Variants in DNAJC3 observed in about 807,000 individuals in gnomAD.
DNAJC3 encodes the protein DnaJ heat shock protein family (Hsp40) member C3, also known as dnaJ homolog subfamily C member 3.
In DNAJC3, 38 loss-of-function variants were observed where a neutral mutation model predicts 68.6. That is an observed-to-expected ratio of 0.55 (90% CI 0.43 to 0.73). DNAJC3 has a LOEUF of 0.73. DNAJC3 is among the 30% of genes least tolerant of loss of function. The pLI is 0.00. For missense variants in DNAJC3, 526 were observed against 591.9 expected, an observed-to-expected ratio of 0.89 and a Z score of 1.16; for synonymous variants, 203 against 204.0, an observed-to-expected ratio of 1.00 and a Z score of 0.04.
At chr13:95,746,462 T>C (rs1194183521) in intron 4 of DNAJC3, among the ~76,000 whole-genome samples, 1 of 152,206 alleles carries the variant, frequency 6.6e-6, no homozygotes, top group Non-Finnish European at 1.5e-5. Flanking sequence ...TTCCTCATTG[T>C]GAAGTGTAGA....
chr13:95,686,348 G>A lies in DNAJC3; in HGVS notation c.82+9011G>A, dbSNP rs143163616. Among the ~76,000 whole-genome samples the A allele has an allele frequency of 6.8e-4, 104 of 152,242 alleles. 2 individuals are homozygous for A. The East Asian group carries it at 0.013, about 19-fold the overall frequency. Reference sequence around the variant, plus strand: ...AGATTCTGGATATTAGTCCTTTGTCGGAGGCATAATTTGCAAATGTTTTCT... The same window carrying A: ...AGATTCTGGATATTAGTCCTTTGTCAGAGGCATAATTTGCAAATGTTTTCT... On this transcript the variant is annotated intron_variant, in intron 1 of 11. Transcript: ENST00000602402.
chr13:95,734,977 C>A (rs1163924245), intron 4 of DNAJC3, among the ~76,000 whole-genome samples: 2 of 133,012 alleles, frequency 1.5e-5, no homozygotes, highest in African/African-American at 2.8e-5. Context: ...CCCTCCCCCC[C>A]ACCCCACAAC....
At chr13:95,779,280 T>G (rs552203985) in intron 9 of DNAJC3, among the ~76,000 whole-genome samples, 2 of 151,860 alleles carry the variant, frequency 1.3e-5, no homozygotes, top group Non-Finnish European at 2.9e-5. Flanking sequence ...CCCGCCACCA[T>G]ACCCGGCTAA....
chr13:95,694,621 T>A (rs546047353), intron 1 of DNAJC3: 4 of 152,638 alleles, frequency 2.6e-5, no homozygotes, highest in Non-Finnish European at 5.9e-5. Flanking sequence ...AATTATTCAT[T>A]TATTGATCTC....
At chr13:95,775,549 C>T (rs1361829871) in intron 9 of DNAJC3, among the ~76,000 whole-genome samples, 1 of 152,174 alleles carries the variant, frequency 6.6e-6, no homozygotes, top group Admixed American at 6.5e-5. Flanking sequence ...TTGTATACTA[C>T]TGATAATAAG....
chr13:95,749,178 C>A (rs1323139511), intron 4 of DNAJC3, among the ~76,000 whole-genome samples: 2 of 152,200 alleles, frequency 1.3e-5, no homozygotes, highest in Admixed American at 6.5e-5. Flanking sequence ...TTATATCATA[C>A]TGCTGTATTC....
chr13:95,697,483 A>G (rs928586739), intron 1 of DNAJC3, among the ~76,000 whole-genome samples: 1 of 152,162 alleles, frequency 6.6e-6, no homozygotes, highest in Non-Finnish European at 1.5e-5. Context: ...TGATGACTAC[A>G]TTCCTTGGTT....
At chr13:95,772,638 G>A (rs1289279710) in intron 9 of DNAJC3, among the ~76,000 whole-genome samples, 1 of 152,146 alleles carries the variant, frequency 6.6e-6, no homozygotes, top group African/African-American at 2.4e-5. Context: ...TACTTTTCAT[G>A]TGTTGTTTCT....
At chr13:95,726,093 G>T (rs1050604620) in intron 4 of DNAJC3, among the ~76,000 whole-genome samples, 9 of 151,814 alleles carry the variant, frequency 5.9e-5, no homozygotes, top group African/African-American at 2.2e-4. Context: ...ATTTGGGTTG[G>T]TTCCAAGTCT....
rs551286955 is a variant in DNAJC3, at chr13:95,710,659, GTGTTT to G, written c.193+1344_193+1348del. ...AGTGTGTAGTTAACAACCGAGGGTG[GTGTTT>G]TGTTTTGTTTTGTTTTGTTTTTGTT... On this transcript the variant is annotated intron_variant, in intron 2 of 11. Coordinates refer to ENST00000602402, the MANE Select transcript of DNAJC3 (RefSeq NM_006260.5). 4.8e-3 allele frequency among the ~76,000 whole-genome samples: 730 copies of G among 151,738 alleles called. 5 individuals carry two copies. The highest frequency in any genetic ancestry group is 0.015 in the African/African-American group (627 of 41,248).
intron 1 of DNAJC3, among the ~76,000 whole-genome samples, chr13:95,706,075 G>A (rs1279683788): frequency 6.6e-6 from 1 of 152,184 alleles, no homozygotes; most frequent in Admixed American, 6.5e-5. Flanking sequence ...GTTTCAGTCA[G>A]CCAATCAAGT....
chr13:95,710,137 G>A (rs17885366), intron 2 of DNAJC3, among the ~76,000 whole-genome samples: 5 of 152,076 alleles, frequency 3.3e-5, no homozygotes, highest in Admixed American at 1.3e-4. Context: ...ATCAACTGTC[G>A]TGCAGCTGCT....
chr13:95,782,680 G>T (rs1157368617), intron 9 of DNAJC3, among the ~76,000 whole-genome samples: 2 of 152,160 alleles, frequency 1.3e-5, no homozygotes, highest in Admixed American at 1.3e-4. Flanking sequence ...TAAGTTCCCT[G>T]TGGATTCTGG....
At chr13:95,766,480 G>T (rs901285797) in intron 9 of DNAJC3, among the ~76,000 whole-genome samples, 6 of 152,202 alleles carry the variant, frequency 3.9e-5, no homozygotes, top group Non-Finnish European at 7.3e-5. Flanking sequence ...TAACTCAGGT[G>T]TCCTTATGAA....
chr13:95,779,272 C>T (rs7323703), intron 9 of DNAJC3, among the ~76,000 whole-genome samples: 24,908 of 151,372 alleles, frequency 0.16, 2,992 homozygotes, highest in African/African-American at 0.34. Context: ...TACAGGCGCC[C>T]GCCACCATAC....
Position 95,723,320 on chromosome 13 carries a change from T to G in DNAJC3, c.272T>G (p.Leu91Arg), listed in dbSNP as rs1420538964. 1.9e-6 allele frequency: 3 copies of G among 1,611,732 alleles called. No homozygotes were observed. The highest frequency in any genetic ancestry group is 2.5e-6 in the Non-Finnish European group (3 of 1,178,276). Reference sequence around the variant, plus strand: ...GCTATGGGCAAATCAAAAGCTGCACTTCCTGATTTAACTAAAGTGATTCAA... The same window carrying G: ...GCTATGGGCAAATCAAAAGCTGCACGTCCTGATTTAACTAAAGTGATTCAA... ...FLAMGKSKAALPDLTKVIQLK... is the reference protein window; with the variant it reads ...FLAMGKSKAARPDLTKVIQLK... Residue 91 changes from leucine (L) to arginine (R), a missense_variant, in exon 3 of 12, where the codon CTT becomes CGT. Transcript: ENST00000602402.
rs139167981 is a variant in DNAJC3, at chr13:95,708,502, C to T, written c.83-725C>T. Among the ~76,000 whole-genome samples the T allele has an allele frequency of 2.2e-4, 34 of 152,308 alleles. 1 individual carries two copies. The highest frequency in any genetic ancestry group is 3.8e-4 in the Non-Finnish European group (26 of 68,028). ...CCTGTTTCTGGAACATATCTGCATG[C>T]TCCCGACTTAGGACCCTTGCTGGTC... On this transcript the variant is annotated intron_variant, in intron 1 of 11. Coordinates refer to ENST00000602402, the MANE Select transcript of DNAJC3 (RefSeq NM_006260.5).
chr13:95,709,014 T>G (rs1368208577), intron 1 of DNAJC3, among the ~76,000 whole-genome samples: 1 of 152,202 alleles, frequency 6.6e-6, no homozygotes, highest in Non-Finnish European at 1.5e-5. Context: ...TTTGACTGAT[T>G]AGGTCAAGAT....
Position 95,791,113 on chromosome 13 carries a change from T to A in DNAJC3, c.*83T>A, listed in dbSNP as rs996312484. 1.4e-6 allele frequency: 2 copies of A among 1,478,482 alleles called. No individual in the cohort carries two copies. The highest frequency in any genetic ancestry group is 9.2e-7 in the Non-Finnish European group (1 of 1,081,594). 91.6% of individuals were successfully genotyped at this position (1,478,482 alleles called of 1,614,324 possible). ...GTTCCGGGACCCTAATGAAAAAAAA[T>A]TTCAAATCTTTTCAGTTTGTCCATG... On this transcript the variant is annotated 3_prime_UTR_variant, in exon 12 of 12. Transcript: ENST00000602402.
Sources: allele counts gnomAD v4.1 joint callset (sites outside exome capture counted in the v4.1 genomes callset), GRCh38; gene constraint gnomAD v4.1.1; transcripts MANE v1.5; gene names NCBI Gene and HGNC (gene_info 2026-07-23, HGNC 2026-07-21).